PALM2AKAP2: variants seen among roughly 807,000 people sequenced by gnomAD.
PALM2AKAP2 encodes the protein PALM2-AKAP2 fusion protein.
A neutral mutation model predicts 71.5 loss-of-function variants in PALM2AKAP2; 37 were observed. The observed-to-expected ratio is 0.52, with a 90% confidence interval of 0.40 to 0.68. The LOEUF (loss-of-function observed/expected upper bound fraction) is 0.68. PALM2AKAP2 is among the 30% of genes least tolerant of loss of function. The probability of loss-of-function intolerance (pLI) is 0.00; values close to 1 mark genes in which losing one functional copy is unlikely to be tolerated. For synonymous variants in PALM2AKAP2, 468 were observed against 478.8 expected (o/e 0.98, Z 0.29); for missense variants, 1,224 against 1,191.8 (o/e 1.03, Z -0.40).
At chr9:110,019,996 G>T (rs898832864) in intron 7 of PALM2AKAP2, among the ~76,000 whole-genome samples, 2 of 151,910 alleles carry the variant, frequency 1.3e-5, no homozygotes, top group African/African-American at 2.4e-5. Context: ...GTATATAACT[G>T]CCTGGAGCTC....
intron 3 of PALM2AKAP2, among the ~76,000 whole-genome samples, chr9:109,921,785 A>C (rs1015364812): frequency 4.6e-5 from 7 of 152,200 alleles, no homozygotes; most frequent in Non-Finnish European, 8.8e-5. Context: ...GCTGATAGGT[A>C]CTGGGAGGCT....
chr9:109,974,416 G>C (rs1443693106), intron 6 of PALM2AKAP2, among the ~76,000 whole-genome samples: 2 of 151,882 alleles, frequency 1.3e-5, no homozygotes, highest in Non-Finnish European at 2.9e-5. Flanking sequence ...TGGGAGTGTT[G>C]CCTCTGCCTT....
chr9:109,685,751 G>A (rs899874951), intron 1 of PALM2AKAP2, among the ~76,000 whole-genome samples: 6 of 152,032 alleles, frequency 3.9e-5, no homozygotes, highest in African/African-American at 1.4e-4. Flanking sequence ...CCAAAGGTTG[G>A]GGTGGCTGTA....
chr9:109,858,514 T>A (rs1006941166), intron 1 of PALM2AKAP2, among the ~76,000 whole-genome samples: 3 of 152,172 alleles, frequency 2.0e-5, no homozygotes, highest in African/African-American at 7.2e-5. Flanking sequence ...ATAAGGGACT[T>A]GTCTAAGTCA....
At chr9:109,719,765 A>C (rs1828378877) in intron 1 of PALM2AKAP2, among the ~76,000 whole-genome samples, 1 of 152,172 alleles carries the variant, frequency 6.6e-6, no homozygotes. Context: ...AACTATTCCC[A>C]GTTCCTCCAT....
intron 1 of PALM2AKAP2, among the ~76,000 whole-genome samples, chr9:109,832,419 A>G (rs1166434246): frequency 6.6e-6 from 1 of 152,228 alleles, no homozygotes; most frequent in African/African-American, 2.4e-5. Context: ...GTGTCAGAAC[A>G]TAGCACAGTG....
chr9:109,882,643 T>C (rs1217052631), intron 3 of PALM2AKAP2, among the ~76,000 whole-genome samples: 2 of 152,068 alleles, frequency 1.3e-5, no homozygotes, highest in East Asian at 3.8e-4. Flanking sequence ...TTTTTCTTTT[T>C]GTTTCTTTTT....
intron 1 of PALM2AKAP2, among the ~76,000 whole-genome samples, chr9:110,104,650 A>G (rs1195234285): frequency 6.6e-6 from 1 of 152,230 alleles, no homozygotes; most frequent in Non-Finnish European, 1.5e-5. Flanking sequence ...AGGGCTGCCA[A>G]AGCTCACAGA....
intron 1 of PALM2AKAP2, among the ~76,000 whole-genome samples, chr9:109,657,932 GTGTGTT>G (rs1411342731): frequency 1.4e-4 from 17 of 125,394 alleles, no homozygotes; most frequent in Non-Finnish European, 1.7e-5. Flanking sequence ...ACAGATTTGT[GTGTGTT>G]TGTGTGTGTG....
At chr9:109,972,139 T>G (rs1332312286) in intron 6 of PALM2AKAP2, among the ~76,000 whole-genome samples, 1 of 152,242 alleles carries the variant, frequency 6.6e-6, no homozygotes, top group African/African-American at 2.4e-5. Flanking sequence ...CAGCTCTGAA[T>G]AGCATTGGTG....
chr9:109,844,320 A>G (rs1001568065), intron 1 of PALM2AKAP2, among the ~76,000 whole-genome samples: 1 of 152,216 alleles, frequency 6.6e-6, no homozygotes, highest in African/African-American at 2.4e-5. Context: ...TCTGACAGCT[A>G]TGTAAGGAAC....
upstream of PALM2AKAP2, among the ~76,000 whole-genome samples, chr9:110,045,190 C>T (rs1055617313): frequency 6.6e-6 from 1 of 152,086 alleles, no homozygotes; most frequent in East Asian, 1.9e-4. Context: ...AAAAAATTTC[C>T]ATGGAAGATT....
chr9:110,143,411 C>CAAAAAA (rs10638600), intron 2 of PALM2AKAP2, among the ~76,000 whole-genome samples: 1 of 69,072 alleles, frequency 1.4e-5, no homozygotes, highest in African/African-American at 6.3e-5. Context: ...AGCAAAGTGC[C>CAAAAAA]AAAAAAAAAA....
chr9:109,987,184 A>G (rs1467997713), intron 6 of PALM2AKAP2, among the ~76,000 whole-genome samples: 3 of 151,858 alleles, frequency 2.0e-5, no homozygotes, highest in Non-Finnish European at 4.4e-5. Context: ...AGGCTGGAGT[A>G]CATTGGCATG....
chr9:109,998,782 AGG>A (rs374630062), intron 6 of PALM2AKAP2, among the ~76,000 whole-genome samples: 2,224 of 144,742 alleles, frequency 0.015, 89 homozygotes, highest in African/African-American at 0.054. Context: ...AAAAAAAAAA[AGG>A]GGGGATAGTC....
At chr9:109,916,619 CT>C (rs1830699034) in intron 3 of PALM2AKAP2, among the ~76,000 whole-genome samples, 1 of 152,226 alleles carries the variant, frequency 6.6e-6, no homozygotes, top group Non-Finnish European at 1.5e-5. Context: ...TCTTTTCTAC[CT>C]GGTGAATGCA....
chr9:110,094,410 G>T (rs2118817073), intron 1 of PALM2AKAP2, among the ~76,000 whole-genome samples: 1 of 152,312 alleles, frequency 6.6e-6, no homozygotes, highest in Middle Eastern at 3.4e-3. Flanking sequence ...TTGCTATGAA[G>T]AAATACCTGA....
At chr9:109,994,715 T>C (rs1239207081) in intron 6 of PALM2AKAP2, among the ~76,000 whole-genome samples, 1 of 152,070 alleles carries the variant, frequency 6.6e-6, no homozygotes, top group East Asian at 1.9e-4. Flanking sequence ...CTGTCTCCCC[T>C]CCGCCACCCC....
chr9:109,869,522 T>C (rs1406612131), intron 2 of PALM2AKAP2, among the ~76,000 whole-genome samples: 1 of 150,664 alleles, frequency 6.6e-6, no homozygotes, highest in Non-Finnish European at 1.5e-5. Flanking sequence ...GTATTTTTAG[T>C]AGAGATGGGG....
Sources: allele counts gnomAD v4.1 joint callset (sites outside exome capture counted in the v4.1 genomes callset), GRCh38; gene constraint gnomAD v4.1.1; transcripts MANE v1.5; gene names NCBI Gene and HGNC (gene_info 2026-07-23, HGNC 2026-07-21).